SDR42E1: variants seen among roughly 807,000 people sequenced by gnomAD.
SDR42E1 encodes the protein short chain dehydrogenase/reductase family 42E, member 1.
SDR42E1 carries 5 observed loss-of-function variants against 2.6 expected under a neutral mutation model. The ratio of observed to expected loss-of-function variants is 1.94; its 90% CI spans 1.01 to 4.08. SDR42E1 has a LOEUF of 4.08. SDR42E1 is among the 30% of genes most tolerant of loss of function. The pLI, the probability that SDR42E1 is intolerant of heterozygous loss-of-function variation, is 0.00. For missense variants in SDR42E1, 596 were observed against 478.6 expected, an observed-to-expected ratio of 1.25 and a Z score of -2.29; for synonymous variants, 231 against 188.3, an observed-to-expected ratio of 1.23 and a Z score of -1.86.
intron 1 of SDR42E1, among the ~76,000 whole-genome samples, chr16:82,007,002 C>A (rs892994665): frequency 1.3e-5 from 2 of 152,234 alleles, no homozygotes; most frequent in Non-Finnish European, 2.9e-5. Context: ...ACCTAAACTT[C>A]TGCCTAGATA....
intron 1 of SDR42E1, among the ~76,000 whole-genome samples, chr16:82,003,998 C>T (rs1007482405): frequency 6.6e-6 from 1 of 152,142 alleles, no homozygotes; most frequent in South Asian, 2.1e-4. Context: ...ATTAATACTG[C>T]CATTTTAACA....
chr16:82,003,860 C>T (rs1334322212), intron 1 of SDR42E1, among the ~76,000 whole-genome samples: 1 of 152,214 alleles, frequency 6.6e-6, no homozygotes, highest in Admixed American at 6.5e-5. Flanking sequence ...ATAGTAGATG[C>T]TCAATAAATA....
At chr16:82,007,342 T>G (rs777366017) in intron 1 of SDR42E1, among the ~76,000 whole-genome samples, 10 of 152,182 alleles carry the variant, frequency 6.6e-5, no homozygotes, top group Admixed American at 2.6e-4. Context: ...TATCTAGTAA[T>G]TGAAGTAATA....
chr16:82,008,605 G>C (rs143069743), intron 1 of SDR42E1, among the ~76,000 whole-genome samples: 38 of 152,344 alleles, frequency 2.5e-4, no homozygotes, highest in African/African-American at 8.7e-4. Context: ...ATCTGTGTAA[G>C]TCAGAGCTTC....
In SDR42E1 at chr16:81,999,335, CA is replaced by C; in HGVS notation, c.957del (p.Gly320ValfsTer8). The C allele has an allele frequency of 6.2e-7, 1 of 1,614,154 alleles. No individual in the cohort carries two copies. Among genetic ancestry groups the C allele is most frequent in the Non-Finnish European group, 8.5e-7 (1 of 1,180,034 alleles). ...TCTAAGCTAAAATAATGTGTGACAC[CA>C]GTTTTGTAAACTTCAGTGCGAGTGA... ...PFLTRTEVYK[T>X]GVTHYFSLEK... On this transcript the variant is annotated frameshift_variant, in exon 3 of 3. Transcript: ENST00000328945. LOFTEE classifies it low-confidence loss of function (END_TRUNC).
rs775836667 is a variant in SDR42E1 at position 81,999,501 on chromosome 16, C to T, written c.792G>A (p.Glu264=). The change falls in exon 3 of 3, where the codon GAG becomes GAA. Residue 264 remains glutamate (E), a synonymous_variant. Transcript: ENST00000328945. ...GGCCCTCAACCAGAGGCCGGAAGAACTCAAAGTTGTTCACGGGTCTGCCAT... is the reference window on the plus strand; with the variant it reads ...GGCCCTCAACCAGAGGCCGGAAGAATTCAAAGTTGTTCACGGGTCTGCCAT... ...ISDGRPVNNF[E]FFRPLVEGLG... 1.9e-6 allele frequency: 3 copies of T among 1,614,064 alleles called. No individual in the cohort carries two copies. Among genetic ancestry groups the T allele is most frequent in the Non-Finnish European group, 1.7e-6 (2 of 1,180,032 alleles).
intron 1 of SDR42E1, among the ~76,000 whole-genome samples, chr16:82,006,953 C>T (rs901339473): frequency 6.6e-6 from 1 of 152,222 alleles, no homozygotes; most frequent in Non-Finnish European, 1.5e-5. Context: ...GTCTATAATT[C>T]AGGGTCATCA....
rs1400457854 is a variant in SDR42E1, at chr16:81,999,685, T to C, written c.608A>G (p.Tyr203Cys). 3 of 1,614,088 alleles carry C rather than the reference T, an allele frequency of 1.9e-6. No homozygotes were observed. Among genetic ancestry groups the C allele is most frequent in the African/African-American group, 1.3e-5 (1 of 74,924 alleles). The change falls in exon 3 of 3, where the codon TAC (tyrosine) becomes TGC (cysteine). Residue 203 changes from tyrosine to cysteine, a missense_variant. Tyr to Cys is a radical substitution (Grantham distance 194, BLOSUM62 -2). Coordinates refer to ENST00000328945, the MANE Select transcript of SDR42E1 (RefSeq NM_145168.3). ...EQRHLPRIVS[Y>C]IEKGLFKFVY... Reference sequence around the variant, plus strand: ...AAACTTGAACAGACCCTTCTCGATGTAGCTGACTATCCTGGGAAGGTGTCT... The same window carrying C: ...AAACTTGAACAGACCCTTCTCGATGCAGCTGACTATCCTGGGAAGGTGTCT...
chr16:82,006,855 G>A (rs1912955719), intron 1 of SDR42E1, among the ~76,000 whole-genome samples: 1 of 152,052 alleles, frequency 6.6e-6, no homozygotes, highest in Admixed American at 6.6e-5. Flanking sequence ...ATTACCTAAG[G>A]GCATAGAGTT....
At chr16:82,007,140 A>C (rs570165968) in intron 1 of SDR42E1, among the ~76,000 whole-genome samples, 1 of 152,246 alleles carries the variant, frequency 6.6e-6, no homozygotes, top group Non-Finnish European at 1.5e-5. Context: ...CAGACTGGCA[A>C]TATCTATAGG....
rs146492938 is a variant in SDR42E1, at chr16:81,989,030, A to G, written c.*10081T>C. 18 of 152,322 alleles carry G rather than the reference A, an allele frequency of 1.2e-4. No homozygotes were observed. Among genetic ancestry groups the G allele is most frequent in the African/African-American group, 3.8e-4 (16 of 41,566 alleles). The allele number at this position is 152,322 out of a possible 1,614,324, so 9.4% of individuals were successfully genotyped here. On this transcript the variant is annotated 3_prime_UTR_variant, in exon 3 of 3. Coordinates refer to ENST00000328945, the MANE Select transcript of SDR42E1 (RefSeq NM_145168.3). ...TTATGAAAAATGCTTAATTCTTCAT[A>G]TAACTATGTGTCTTATATATAGGGT...
intron 1 of SDR42E1, among the ~76,000 whole-genome samples, chr16:82,002,864 G>T (rs925784324): frequency 3.9e-5 from 6 of 152,158 alleles, no homozygotes; most frequent in East Asian, 1.9e-4. Flanking sequence ...CACCGTATGG[G>T]CACTCCACAG....
At position 82,004,283 on chromosome 16, in the gene SDR42E1, G is replaced by A. The variant is rs537556388; in HGVS notation, c.-26-3399C>T. Among the ~76,000 whole-genome samples the A allele has an allele frequency of 3.8e-4, 58 of 152,288 alleles. No homozygotes were observed. In the South Asian group the frequency reaches 0.012, roughly 31 times the overall value. On this transcript the variant is annotated intron_variant, in intron 1 of 2. Transcript: ENST00000328945. ...GAGCTTTAGCACTACAGGGCCCATG[G>A]GAGGATCTAGGTAGGCTGAAAGGAG...
intron 1 of SDR42E1, chr16:82,007,642 T>G (rs1195324796): frequency 6.6e-6 from 1 of 152,238 alleles, no homozygotes; most frequent in African/African-American, 2.4e-5. Flanking sequence ...GGTACTGACC[T>G]GAGTCCTGTG....
rs922299003 is a variant in SDR42E1, at chr16:81,994,051, G to C, written c.*5060C>G. On this transcript the variant is annotated 3_prime_UTR_variant, in exon 3 of 3. Transcript: ENST00000328945. ...GGGGTAGGATCACCTGTACCCAGGA[G>C]TGGACTGTGGACATGGCACACCAGG... 1.3e-5 allele frequency: 2 copies of C among 152,180 alleles called. No individual in the cohort carries two copies. Among genetic ancestry groups the C allele is most frequent in the Non-Finnish European group, 2.9e-5 (2 of 68,038 alleles). 9.4% of individuals were successfully genotyped at this position (152,180 alleles called of 1,614,324 possible).
chr16:81,999,293 G>T lies in SDR42E1; in HGVS notation c.1000C>A (p.Leu334Ile), dbSNP rs200103579. The T allele has an allele frequency of 3.9e-5, 63 of 1,614,166 alleles. No homozygotes were observed. In the Admixed American group the frequency reaches 1.0e-3, roughly 26 times the overall value. Residue 334 changes from leucine to isoleucine, a missense_variant, in exon 3 of 3, where the codon CTA becomes ATA. By Grantham distance (5) the Leu-to-Ile change is conservative. Transcript: ENST00000328945. The stretch of plus-strand genomic sequence containing the variant: ...TCAAATGGCTGAGCCTTATAACCTA[G>T]CTCTTTCTTGGCTTTCTCTAAGCTA... ...YFSLEKAKKE[L>I]GYKAQPFDLQ...
intron 1 of SDR42E1, among the ~76,000 whole-genome samples, chr16:82,001,674 A>G (rs1342805766): frequency 6.6e-6 from 1 of 152,080 alleles, no homozygotes; most frequent in African/African-American, 2.4e-5. Context: ...AGGCCGAGGC[A>G]GGCGGATCAT....
rs141854101 is a variant in SDR42E1 at position 81,995,821 on chromosome 16, A to G, written c.*3290T>C. On this transcript the variant is annotated 3_prime_UTR_variant, in exon 3 of 3. Coordinates refer to ENST00000328945, the MANE Select transcript of SDR42E1 (RefSeq NM_145168.3). ...CCCTCATAGAGCTAACAGGCATTAA[A>G]CAAATAACCGTACAAATGTTTACAG... 2 of 152,388 alleles carry G rather than the reference A, an allele frequency of 1.3e-5. No homozygotes were observed. Among genetic ancestry groups the G allele is most frequent in the Non-Finnish European group, 2.9e-5 (2 of 68,050 alleles). The allele number at this position is 152,388 out of a possible 1,614,324, so 9.4% of individuals were successfully genotyped here. A position where few individuals can be genotyped will look rare whatever the true frequency, so the allele number is the denominator to read the frequency against.
In SDR42E1 at chr16:81,999,545, G is replaced by T; in HGVS notation, c.748C>A (p.Gln250Lys). The change falls in exon 3 of 3, where the codon CAG (glutamine) becomes AAG (lysine). Residue 250 changes from glutamine to lysine, a missense_variant. Physicochemically the swap from Gln to Lys is moderately conservative, Grantham distance 53. Coordinates refer to ENST00000328945, the MANE Select transcript of SDR42E1 (RefSeq NM_145168.3). ...CTGCCATCTGAGATGAAGTAGGGCT[G>T]CCCAGAGGCAATATGGCCCTTGTCA... ...RADKGHIASG[Q>K]PYFISDGRPV... 6.2e-7 allele frequency: 1 copy of T among 1,614,176 alleles called. No homozygotes were observed. The highest frequency in any genetic ancestry group is 8.5e-7 in the Non-Finnish European group (1 of 1,180,028).
Sources: gnomAD v4.1 joint callset for allele counts (sites outside exome capture counted in the v4.1 genomes callset) on GRCh38, gnomAD v4.1.1 for gene constraint, MANE v1.5 for transcripts, NCBI Gene and HGNC (gene_info 2026-07-23, HGNC 2026-07-21) for gene names.